Variants in STIM1 observed in about 807,000 individuals in gnomAD.
The protein encoded by STIM1 is stromal interaction molecule 1.
STIM1 carries 25 observed loss-of-function variants against 74.7 expected under a neutral mutation model. The observed-to-expected ratio is 0.33, with a 90% CI of 0.24 to 0.47. The LOEUF is 0.47. Ranked by LOEUF, STIM1 falls within the 20% of genes least tolerant of loss-of-function variation. The probability of loss-of-function intolerance (pLI) is 1.00; values close to 1 mark genes in which losing one functional copy is unlikely to be tolerated. For missense variants in STIM1, 728 were observed against 920.8 expected (o/e 0.79, Z 2.71); for synonymous variants, 328 against 348.8 (o/e 0.94, Z 0.66).
chr11:4,031,737 A>G (rs2094052088), intron 3 of STIM1, among the ~76,000 whole-genome samples: 2 of 152,092 alleles, frequency 1.3e-5, no homozygotes, highest in African/African-American at 4.8e-5. Context: ...TTCTAAATTG[A>G]GTTTTGAGAA....
rs539890159 is a variant in STIM1, at chr11:3,868,685, A to G, written c.139+12276A>G. On this transcript the variant is annotated intron_variant, in intron 1 of 12. Coordinates refer to ENST00000526596, the MANE Select transcript of STIM1 (RefSeq NM_001382567.1). ...TGGAAAGAGAGGCTGTATTTTACTT[A>G]TGAATTCTGAGTAGGTAGTACCTAG... 6.1e-4 allele frequency among the ~76,000 whole-genome samples: 93 copies of G among 152,318 alleles called. 1 individual carries two copies. Among genetic ancestry groups the G allele is most frequent in the African/African-American group, 2.2e-3 (91 of 41,566 alleles).
At position 3,953,647 on chromosome 11, in the gene STIM1, G is replaced by A. The variant is rs538144852; in HGVS notation, c.140-13905G>A. Among the ~76,000 whole-genome samples, 496 of 152,280 alleles carry A rather than the reference G, an allele frequency of 3.3e-3. 3 individuals are homozygous for A. Among genetic ancestry groups the A allele is most frequent in the Non-Finnish European group, 5.8e-3 (394 of 68,022 alleles). ...TTCTCCAGGTGTTAAAAGAGCAACG[G>A]CCTTTGAGGCCCTCCAAATCCCCTT... On this transcript the variant is annotated intron_variant, in intron 1 of 12. Transcript: ENST00000526596.
intron 2 of STIM1, among the ~76,000 whole-genome samples, chr11:3,985,182 T>C (rs1016540435): frequency 6.6e-6 from 1 of 152,208 alleles, no homozygotes; most frequent in Admixed American, 6.5e-5. Context: ...TCTTTCTCAC[T>C]AAGCAGGCTG....
chr11:4,074,845 A>G lies in STIM1; in HGVS notation c.969+166A>G, dbSNP rs141772764. Among the ~76,000 whole-genome samples the G allele has an allele frequency of 1.9e-3, 289 of 152,338 alleles. 2 individuals are homozygous for G. The highest frequency in any genetic ancestry group is 6.5e-3 in the African/African-American group (271 of 41,568). ...ACAATAAGAGTTCAAGTTGTAAAAA[A>G]TAGTCACTATGGGCCAGGCACAGTG... On this transcript the variant is annotated intron_variant, in intron 7 of 12. Coordinates refer to ENST00000526596, the MANE Select transcript of STIM1 (RefSeq NM_001382567.1).
intron 2 of STIM1, among the ~76,000 whole-genome samples, chr11:3,991,723 T>A (rs190934048): frequency 6.7e-6 from 1 of 150,184 alleles, no homozygotes; most frequent in African/African-American, 2.4e-5. Context: ...CTGAGGCGGG[T>A]GGATCACCTG....
At chr11:4,077,020 TC>T (rs1393627206) in intron 7 of STIM1, among the ~76,000 whole-genome samples, 1 of 151,636 alleles carries the variant, frequency 6.6e-6, no homozygotes, top group African/African-American at 2.4e-5. Flanking sequence ...TATATGCTGT[TC>T]GTAAGAGACA....
chr11:3,975,790 T>A lies in STIM1; in HGVS notation c.270+8108T>A, dbSNP rs775026610. On this transcript the variant is annotated intron_variant, in intron 2 of 12. Coordinates refer to ENST00000526596, the MANE Select transcript of STIM1 (RefSeq NM_001382567.1). The stretch of plus-strand genomic sequence containing the variant: ...ATTAGGGAAATGCAAATTAAAACCA[T>A]AATGAGGTATCACCACATGCCTGTT... Among the ~76,000 whole-genome samples, 45 of 152,124 alleles carry A rather than the reference T, an allele frequency of 3.0e-4. 2 individuals carry two copies. Among genetic ancestry groups the A allele is most frequent in the Non-Finnish European group, 1.5e-4 (10 of 68,024 alleles).
In STIM1 at chr11:4,091,498, G is replaced by A. The variant is rs199979334; in HGVS notation, c.1851G>A (p.Leu617=). The part of the protein sequence containing the change: ...PALAKKALLA[L]NHGLDKAHSL... ...TGGCCAAGAAGGCATTACTGGCGCT[G>A]AACCATGGGCTGGACAAGGCCCACA... Residue 617 remains leucine, a synonymous_variant, in exon 13 of 13, where the codon CTG becomes CTA. Coordinates refer to ENST00000526596, the MANE Select transcript of STIM1 (RefSeq NM_001382567.1). 6.2e-7 allele frequency: 1 copy of A among 1,614,154 alleles called. No homozygotes were observed. Among genetic ancestry groups the A allele is most frequent in the Non-Finnish European group, 8.5e-7 (1 of 1,180,034 alleles).
Position 3,990,072 on chromosome 11 carries a change from A to T in STIM1, c.270+22390A>T, listed in dbSNP as rs182361353. ...TCTCTCCACATTTCCCCCAGCCCTA[A>T]GCAACCACGAATCTACTTTCTCTTT... is the stretch of plus-strand genomic sequence containing the variant. On this transcript the variant is annotated intron_variant, in intron 2 of 12. Transcript: ENST00000526596. 2.1e-3 allele frequency among the ~76,000 whole-genome samples: 324 copies of T among 152,274 alleles called. 1 individual carries two copies. The highest frequency in any genetic ancestry group is 4.4e-3 in the Admixed American group (68 of 15,298).
intron 2 of STIM1, among the ~76,000 whole-genome samples, chr11:4,005,372 G>A (rs1407098929): frequency 6.6e-6 from 1 of 152,136 alleles, no homozygotes; most frequent in Non-Finnish European, 1.5e-5. Context: ...AGAAAATGTG[G>A]CACATATACA....
At chr11:3,916,939 G>T (rs1487729160) in intron 1 of STIM1, among the ~76,000 whole-genome samples, 1 of 152,176 alleles carries the variant, frequency 6.6e-6, no homozygotes, top group African/African-American at 2.4e-5. Context: ...AGGTGGTTTG[G>T]CAATGTTTTA....
intron 1 of STIM1, among the ~76,000 whole-genome samples, chr11:3,931,502 C>T (rs2092859488): frequency 6.6e-6 from 1 of 152,092 alleles, no homozygotes; most frequent in Non-Finnish European, 1.5e-5. Context: ...TGTGATAGGA[C>T]TTAACACCTT....
chr11:4,043,504 A>G (rs1292874833), intron 3 of STIM1, among the ~76,000 whole-genome samples: 1 of 152,214 alleles, frequency 6.6e-6, no homozygotes, highest in Non-Finnish European at 1.5e-5. Context: ...GATGGACAAC[A>G]AGTGATCCAG....
intron 1 of STIM1, among the ~76,000 whole-genome samples, chr11:3,913,187 T>C (rs1029520943): frequency 7.2e-5 from 11 of 152,098 alleles, no homozygotes; most frequent in African/African-American, 2.4e-4. Context: ...AGTATCAAGT[T>C]GCTTTTTTTT....
At chr11:3,958,505 T>C (rs894215381) in intron 1 of STIM1, among the ~76,000 whole-genome samples, 1 of 152,124 alleles carries the variant, frequency 6.6e-6, no homozygotes, top group Non-Finnish European at 1.5e-5. Context: ...GGACGAGTGG[T>C]TCTAACAGAC....
intron 1 of STIM1, among the ~76,000 whole-genome samples, chr11:3,966,695 T>C (rs189431859): frequency 6.6e-6 from 1 of 152,316 alleles, no homozygotes; most frequent in East Asian, 1.9e-4. Context: ...AATAGTGACC[T>C]TGAGGCCTGG....
At chr11:3,867,728 T>G (rs1354990431) in intron 1 of STIM1, among the ~76,000 whole-genome samples, 1 of 152,236 alleles carries the variant, frequency 6.6e-6, no homozygotes, top group Non-Finnish European at 1.5e-5. Flanking sequence ...GTAACTGTGC[T>G]GTCAGCACGG....
intron 2 of STIM1, among the ~76,000 whole-genome samples, chr11:3,977,837 C>T (rs778365873): frequency 8.5e-5 from 13 of 152,100 alleles, no homozygotes; most frequent in South Asian, 2.1e-4. Flanking sequence ...ATGCCTGGTA[C>T]GTGATAGGTG....
At chr11:3,997,798 G>C (rs12284835) in intron 2 of STIM1, among the ~76,000 whole-genome samples, 1 of 152,094 alleles carries the variant, frequency 6.6e-6, no homozygotes, top group Non-Finnish European at 1.5e-5. Flanking sequence ...AGAGGAGGGA[G>C]GGTCTTGCAT....
Sources: gnomAD v4.1 joint callset for allele counts (sites outside exome capture counted in the v4.1 genomes callset) on GRCh38, gnomAD v4.1.1 for gene constraint, MANE v1.5 for transcripts, NCBI Gene and HGNC (gene_info 2026-07-23, HGNC 2026-07-21) for gene names.